TMTC1: variants seen among roughly 807,000 people sequenced by gnomAD.
TMTC1 encodes transmembrane O-mannosyltransferase targeting cadherins 1, also known as protein O-mannosyl-transferase TMTC1.
A neutral mutation model predicts 104.8 loss-of-function variants in TMTC1; 73 were observed. The ratio of observed to expected loss-of-function variants is 0.70; its 90% CI spans 0.58 to 0.85. The LOEUF (loss-of-function observed/expected upper bound fraction) is 0.85. Ranked by LOEUF, TMTC1 falls within the 40% of genes least tolerant of loss-of-function variation. The pLI is 0.00. For synonymous variants in TMTC1, 434 were observed against 428.7 expected, an observed-to-expected ratio of 1.01 and a Z score of -0.15; for missense variants, 1,035 against 1,096.1, an observed-to-expected ratio of 0.94 and a Z score of 0.79.
Position 29,783,441 on chromosome 12 carries a change from G to C in TMTC1, c.302+9C>G, listed in dbSNP as rs1382954639. 2.3e-6 allele frequency: 3 copies of C among 1,301,022 alleles called. No homozygotes were observed. The highest frequency in any genetic ancestry group is 3.0e-5 in the African/African-American group (2 of 65,594). The allele number at this position is 1,301,022 out of a possible 1,614,324, so 80.6% of individuals were successfully genotyped here. ...GGCAGCGGCGGCTAGCGCGAGGTGA[G>C]GGACTCACTTGAAGGTGAGGACGCA... On this transcript the variant is annotated intron_variant, in intron 1 of 17. Transcript: ENST00000539277. The surrounding 1 kb of genome is among the most constrained non-coding windows in gnomAD (Gnocchi z 4.7).
At chr12:29,663,906 A>G (rs1191736951) in intron 5 of TMTC1, among the ~76,000 whole-genome samples, 1 of 152,170 alleles carries the variant, frequency 6.6e-6, no homozygotes. Context: ...TTCCTGAGAA[A>G]GTCCATTTCT....
chr12:29,643,607 T>C (rs1433459022), intron 5 of TMTC1, among the ~76,000 whole-genome samples: 1 of 55,802 alleles, frequency 1.8e-5, no homozygotes, highest in Non-Finnish European at 3.0e-5. Flanking sequence ...TTATATATTA[T>C]ATATAATATA....
rs1045400924 is a variant in TMTC1 at position 29,783,507 on chromosome 12, C to A, written c.245G>T (p.Gly82Val). ...CTTGTGGCTGGTGTTCTCGGCCATG[C>A]CCTTGCCCCAGAAGTCGTTGGTGAA... is the stretch of plus-strand genomic sequence containing the variant. ...GIFTNDFWGKGMAENTSHKSY... is the reference protein window; with the variant it reads ...GIFTNDFWGKVMAENTSHKSY... Residue 82 changes from glycine (G) to valine (V), a missense_variant, in exon 1 of 18, where the codon GGC becomes GTC. Gly to Val is a moderately radical substitution (Grantham distance 109). Coordinates refer to ENST00000539277, the MANE Select transcript of TMTC1 (RefSeq NM_001193451.2). The surrounding 1 kb of genome is among the most constrained non-coding windows in gnomAD (Gnocchi z 4.7). 3.2e-5 allele frequency: 46 copies of A among 1,429,232 alleles called. No individual in the cohort carries two copies. The highest frequency in any genetic ancestry group is 4.2e-5 in the Non-Finnish European group (46 of 1,088,066). 88.5% of individuals were successfully genotyped at this position (1,429,232 alleles called of 1,614,324 possible).
At chr12:29,516,546 T>A in intron 14 of TMTC1, 60 bp from the exon 15 acceptor site, 2 of 1,539,086 alleles carry the variant, frequency 1.3e-6, no homozygotes, top group Non-Finnish European at 1.8e-6. Context: ...AAATAAAGCA[T>A]CCCTGAATAG....
intron 5 of TMTC1, among the ~76,000 whole-genome samples, chr12:29,717,219 T>A (rs1414331832): frequency 6.6e-6 from 1 of 152,214 alleles, no homozygotes; most frequent in Non-Finnish European, 1.5e-5. Context: ...TTGTAAATAC[T>A]GAGCATTTAC....
chr12:29,719,103 T>C (rs1290630365), intron 5 of TMTC1, among the ~76,000 whole-genome samples: 1 of 152,168 alleles, frequency 6.6e-6, no homozygotes, highest in Non-Finnish European at 1.5e-5. Context: ...TCTCTCTCTC[T>C]TTTTTGTGGT....
At chr12:29,701,385 G>A (rs1196142306) in intron 5 of TMTC1, among the ~76,000 whole-genome samples, 2 of 152,168 alleles carry the variant, frequency 1.3e-5, no homozygotes, top group African/African-American at 4.8e-5. Context: ...GGAAACTAAG[G>A]CAGGTCCATT....
intron 5 of TMTC1, among the ~76,000 whole-genome samples, chr12:29,635,234 C>A (rs963095703): frequency 6.6e-6 from 1 of 151,712 alleles, no homozygotes; most frequent in Non-Finnish European, 1.5e-5. Flanking sequence ...CTTGGGCCTG[C>A]GACATTGTCA....
At chr12:29,700,196 T>A (rs541179850) in intron 5 of TMTC1, among the ~76,000 whole-genome samples, 117 of 150,926 alleles carry the variant, frequency 7.8e-4, no homozygotes, top group African/African-American at 2.7e-3. Flanking sequence ...TTACAGGCAC[T>A]CCCCACCATG....
chr12:29,503,600 T>C lies in TMTC1; in HGVS notation c.*3246A>G, dbSNP rs1478697938. On this transcript the variant is annotated 3_prime_UTR_variant, in exon 18 of 18. Coordinates refer to ENST00000539277, the MANE Select transcript of TMTC1 (RefSeq NM_001193451.2). ...ATATATACATGAGGAACTCTAAATG[T>C]AGCTGGAAAAAAATAGCAAATCTGT... 6.6e-6 allele frequency: 1 copy of C among 152,120 alleles called. No homozygotes were observed. The highest frequency in any genetic ancestry group is 2.4e-5 in the African/African-American group (1 of 41,446). 9.4% of individuals were successfully genotyped at this position (152,120 alleles called of 1,614,324 possible). A position where few individuals can be genotyped will look rare whatever the true frequency, so the allele number is the denominator to read the frequency against.
At chr12:29,512,235 G>T in intron 16 of TMTC1, 115 bp from the exon 17 acceptor site, 3 of 734,186 alleles carry the variant, frequency 4.1e-6, no homozygotes, top group Non-Finnish European at 4.4e-6. Context: ...GAAACCAGCC[G>T]CTACTAGTTC....
At chr12:29,759,927 T>C (rs1054643025) in intron 2 of TMTC1, among the ~76,000 whole-genome samples, 2 of 152,124 alleles carry the variant, frequency 1.3e-5, no homozygotes, top group Non-Finnish European at 2.9e-5. Context: ...TAATAATAAA[T>C]ACAGCTATGC....
chr12:29,598,032 G>C (rs1346132765), intron 7 of TMTC1, among the ~76,000 whole-genome samples: 3 of 152,224 alleles, frequency 2.0e-5, no homozygotes, highest in Non-Finnish European at 4.4e-5. Flanking sequence ...GGGAACTACA[G>C]AGCAAGGCCA....
chr12:29,627,788 T>C (rs1283035347), intron 6 of TMTC1, among the ~76,000 whole-genome samples: 3 of 151,902 alleles, frequency 2.0e-5, no homozygotes, highest in Non-Finnish European at 2.9e-5. Context: ...GGTATTAAAA[T>C]ATTCTGGCAT....
chr12:29,724,566 T>TA (rs1297140164), intron 5 of TMTC1, among the ~76,000 whole-genome samples: 4 of 152,112 alleles, frequency 2.6e-5, no homozygotes, highest in Admixed American at 2.6e-4. Context: ...TTACATAGAG[T>TA]ATTACACAGC....
intron 2 of TMTC1, among the ~76,000 whole-genome samples, chr12:29,762,236 T>G (rs1414558891): frequency 6.6e-6 from 1 of 152,198 alleles, no homozygotes; most frequent in Non-Finnish European, 1.5e-5. Flanking sequence ...GAATGTAGAC[T>G]GCTCTTGCCA....
rs1276519007 is a variant in TMTC1 at position 29,755,991 on chromosome 12, G to A, written c.555-106C>T. On this transcript the variant is annotated intron_variant, in intron 3 of 17. Transcript: ENST00000539277. Reference sequence around the variant, plus strand: ...TAATGTCAATTTCATTGCATTCTAAGTAATTAAGCAGGTAAGTAGAGATTT... The same window carrying A: ...TAATGTCAATTTCATTGCATTCTAAATAATTAAGCAGGTAAGTAGAGATTT... 4 of 1,174,048 alleles carry A rather than the reference G, an allele frequency of 3.4e-6. No homozygotes were observed. The African/African-American group carries it at 6.2e-5, about 18-fold the overall frequency. The allele number at this position is 1,174,048 out of a possible 1,614,324, so 72.7% of individuals were successfully genotyped here. A position where few individuals can be genotyped will look rare whatever the true frequency, so the allele number is the denominator to read the frequency against.
In TMTC1 at chr12:29,729,000, A is replaced by C. The variant is rs78506207; in HGVS notation, c.938+22666T>G. Among the ~76,000 whole-genome samples, 527 of 114,018 alleles carry C rather than the reference A, an allele frequency of 4.6e-3. 3 individuals are homozygous for C. The highest frequency in any genetic ancestry group is 0.015 in the African/African-American group (500 of 32,790). 74.8% of individuals were successfully genotyped at this position (114,018 alleles called of 152,430 possible). A position where few individuals can be genotyped will look rare whatever the true frequency, so the allele number is the denominator to read the frequency against. On this transcript the variant is annotated intron_variant, in intron 5 of 17. Coordinates refer to ENST00000539277, the MANE Select transcript of TMTC1 (RefSeq NM_001193451.2). ...GTGACAGTGCAAGACTCCATCTCCA[A>C]AAAAAAAAAAAAAAAAAGCACTGCT...
intron 9 of TMTC1, among the ~76,000 whole-genome samples, chr12:29,560,252 G>C (rs575674415): frequency 6.6e-6 from 1 of 152,302 alleles, no homozygotes; most frequent in South Asian, 2.1e-4. Context: ...TGCTGAACTG[G>C]AGCAGTGGTG....
Sources: allele counts gnomAD v4.1 joint callset (sites outside exome capture counted in the v4.1 genomes callset), GRCh38; gene constraint gnomAD v4.1.1; non-coding constraint Gnocchi (gnomAD v3.1); transcripts MANE v1.5; gene names NCBI Gene and HGNC (gene_info 2026-07-23, HGNC 2026-07-21).